Variants in PCLO observed in about 807,000 individuals in gnomAD.
PCLO encodes the protein protein piccolo.
PCLO carries 82 observed loss-of-function variants against 427.5 expected under a neutral mutation model. The ratio of observed to expected loss-of-function variants is 0.19; its 90% CI spans 0.16 to 0.23. The LOEUF is 0.23. Ranked by LOEUF, PCLO falls within the 10% of genes least tolerant of loss-of-function variation. The pLI is 1.00. For synonymous variants in PCLO, 2,357 were observed against 2,155.4 expected (o/e 1.09, Z -2.59); for missense variants, 6,239 against 6,115.9 (o/e 1.02, Z -0.67).
intron 22 of PCLO, among the ~76,000 whole-genome samples, chr7:82,768,696 T>C (rs969311794): frequency 6.6e-6 from 1 of 152,098 alleles, no homozygotes; most frequent in Non-Finnish European, 1.5e-5. Context: ...TTGGCTTATT[T>C]TTATCTTCCA....
In PCLO at chr7:83,155,645, T is replaced by TG; in HGVS notation, c.995dup (p.Ala333SerfsTer38). The stretch of plus-strand genomic sequence containing the variant: ...GCTTTGTTAGCCCTGAGGGCTGAGC[T>TG]GGGGGCTTTGCAGGCCCAGGCTGTG... On this transcript the variant is annotated frameshift_variant, in exon 2 of 25. Coordinates refer to ENST00000333891, the MANE Select transcript of PCLO (RefSeq NM_033026.6). LOFTEE classifies it high-confidence loss of function. 1 of 1,613,072 alleles carries TG rather than the reference T, an allele frequency of 6.2e-7. No individual in the cohort carries two copies. The highest frequency in any genetic ancestry group is 8.5e-7 in the Non-Finnish European group (1 of 1,179,670).
At chr7:83,057,507 G>C (rs7459330) in intron 3 of PCLO, among the ~76,000 whole-genome samples, 1 of 149,018 alleles carries the variant, frequency 6.7e-6, no homozygotes, top group African/African-American at 2.5e-5. Context: ...GACTGCATGC[G>C]CCCGCCACCA....
chr7:82,866,227 C>T (rs1220079530), intron 10 of PCLO, among the ~76,000 whole-genome samples: 1 of 152,110 alleles, frequency 6.6e-6, no homozygotes, highest in African/African-American at 2.4e-5. Flanking sequence ...AAAGCTTTCT[C>T]TTACCACCTC....
intron 6 of PCLO, among the ~76,000 whole-genome samples, chr7:82,949,186 T>C (rs1795271155): frequency 6.6e-6 from 1 of 152,206 alleles, no homozygotes; most frequent in Non-Finnish European, 1.5e-5. Flanking sequence ...TGTCTTAAAA[T>C]AATAAACTCA....
chr7:82,927,733 C>A (rs887189345), intron 6 of PCLO, among the ~76,000 whole-genome samples: 1 of 152,132 alleles, frequency 6.6e-6, no homozygotes, highest in Non-Finnish European at 1.5e-5. Flanking sequence ...TATCTTTATA[C>A]ACATCAATTA....
intron 3 of PCLO, among the ~76,000 whole-genome samples, chr7:83,089,806 T>C (rs1260560502): frequency 6.6e-6 from 1 of 152,170 alleles, no homozygotes; most frequent in Non-Finnish European, 1.5e-5. Flanking sequence ...TCATGTCTTG[T>C]CATCTGCTAA....
chr7:82,807,230 A>C (rs1173358580), intron 20 of PCLO, among the ~76,000 whole-genome samples: 1 of 151,084 alleles, frequency 6.6e-6, no homozygotes, highest in Non-Finnish European at 1.5e-5. Context: ...ACTGTCTTTG[A>C]GCTTAAATAG....
chr7:83,057,634 T>G (rs1789435323), intron 3 of PCLO, among the ~76,000 whole-genome samples: 1 of 151,568 alleles, frequency 6.6e-6, no homozygotes, highest in South Asian at 2.1e-4. Context: ...GTGCTGGGAT[T>G]ACAGGTGTGA....
rs367980404 is a variant in PCLO at position 83,121,043 on chromosome 7, G to A, written c.3300+13207C>T. Among the ~76,000 whole-genome samples, 832 of 152,234 alleles carry A rather than the reference G, an allele frequency of 5.5e-3. 5 individuals carry two copies. Among genetic ancestry groups the A allele is most frequent in the Middle Eastern group, 0.014 (4 of 294 alleles). On this transcript the variant is annotated intron_variant, in intron 3 of 24. Coordinates refer to ENST00000333891, the MANE Select transcript of PCLO (RefSeq NM_033026.6). ...AAAACTTTTGTATCCCAGCACTTTG[G>A]GAGGCCGAGGTGGGCAGATCACGAG...
At position 82,756,305 on chromosome 7, in the gene PCLO, C is replaced by T. The variant is rs563239631; in HGVS notation, c.*2270G>A. On this transcript the variant is annotated 3_prime_UTR_variant, in exon 25 of 25. Transcript: ENST00000333891. ...TGATGATTATAGGCTTCTTCAAGTG[C>T]TAGCTTCTGCTGGAAATATCCATGG... 3.9e-5 allele frequency: 6 copies of T among 152,148 alleles called. No homozygotes were observed. The highest frequency in any genetic ancestry group is 1.4e-4 in the African/African-American group (6 of 41,524). The allele number at this position is 152,148 out of a possible 1,614,324, so 9.4% of individuals were successfully genotyped here. A position where few individuals can be genotyped will look rare whatever the true frequency, so the allele number is the denominator to read the frequency against.
intron 3 of PCLO, among the ~76,000 whole-genome samples, chr7:83,025,750 G>C (rs1788477379): frequency 6.6e-6 from 1 of 152,256 alleles, no homozygotes; most frequent in East Asian, 1.9e-4. Flanking sequence ...ACTAACAGCG[G>C]ATCTCTTGGC....
Position 82,953,629 on chromosome 7 carries a change from T to C in PCLO, c.7324A>G (p.Lys2442Glu). ...GTCACTGGAGATGCAACTGTTAACT[T>C]TTTTTTAGGAAGAATAGTTGGTTTA... ...SPKPTILPKK[K>E]LTVASPVTTA... is the part of the protein sequence containing the mutation. Residue 2442 changes from lysine (K) to glutamate (E), a missense_variant, in exon 5 of 25, where the codon AAG becomes GAG. By Grantham distance (56) the Lys-to-Glu change is moderately conservative (BLOSUM62 1). This residue lies in a region of PCLO where 4,677 missense variants were observed against 4,468.4 expected (regional missense o/e 1.05). Transcript: ENST00000333891. 1.2e-6 allele frequency: 2 copies of C among 1,607,742 alleles called. No homozygotes were observed. Among genetic ancestry groups the C allele is most frequent in the Non-Finnish European group, 1.7e-6 (2 of 1,177,672 alleles).
chr7:83,129,667 TG>T (rs1348775041), intron 3 of PCLO, among the ~76,000 whole-genome samples: 1 of 152,124 alleles, frequency 6.6e-6, no homozygotes, highest in Non-Finnish European at 1.5e-5. Context: ...TCATTAAAAA[TG>T]ACAACAGCCT....
chr7:83,016,176 T>G (rs1347173066), intron 3 of PCLO, among the ~76,000 whole-genome samples: 3 of 151,950 alleles, frequency 2.0e-5, no homozygotes, highest in African/African-American at 7.3e-5. Flanking sequence ...CAACAACAGA[T>G]GGACTGACTA....
In PCLO at chr7:82,821,748, T is replaced by C. The variant is rs148071762; in HGVS notation, c.14791+747A>G. The C allele has an allele frequency of 8.1e-3, 7,905 of 981,776 alleles. 33 individuals are homozygous for C. The highest frequency in any genetic ancestry group is 9.1e-3 in the Non-Finnish European group (7,509 of 826,578). The allele number at this position is 981,776 out of a possible 1,614,324, so 60.8% of individuals were successfully genotyped here. On this transcript the variant is annotated intron_variant, in intron 20 of 24. Coordinates refer to ENST00000333891, the MANE Select transcript of PCLO (RefSeq NM_033026.6). The stretch of plus-strand genomic sequence containing the variant: ...AATATCTGTAAAATCTGTCATCACA[T>C]ACAAAGTGTGATCCAACAGAATGGA...
chr7:83,008,520 T>C (rs935401160), intron 3 of PCLO, among the ~76,000 whole-genome samples: 3 of 151,714 alleles, frequency 2.0e-5, no homozygotes, highest in Admixed American at 6.6e-5. Context: ...TTACTGTTAG[T>C]AAAATGAGAA....
intron 9 of PCLO, among the ~76,000 whole-genome samples, chr7:82,898,476 T>A (rs752245976): frequency 2.6e-5 from 4 of 151,444 alleles, no homozygotes; most frequent in Non-Finnish European, 5.9e-5. Flanking sequence ...TATAAACTAT[T>A]TATAAAGTTA....
intron 22 of PCLO, among the ~76,000 whole-genome samples, chr7:82,767,335 A>G (rs536027421): frequency 6.6e-6 from 1 of 152,278 alleles, no homozygotes; most frequent in East Asian, 1.9e-4. Context: ...TTATCCTATA[A>G]TGTGGCACAA....
At chr7:82,906,047 ATAGATAGG>A (rs1418960576) in intron 8 of PCLO, among the ~76,000 whole-genome samples, 148 of 150,938 alleles carry the variant, frequency 9.8e-4, no homozygotes, top group African/African-American at 3.1e-3. Context: ...AGATAGATAG[ATAGATAGG>A]TACACACACA....
Sources: allele counts gnomAD v4.1 joint callset (sites outside exome capture counted in the v4.1 genomes callset), GRCh38; gene constraint gnomAD v4.1.1; regional missense constraint gnomAD v4.1.1; transcripts MANE v1.5; gene names NCBI Gene and HGNC (gene_info 2026-07-23, HGNC 2026-07-21).